KIFC3: variants seen among roughly 807,000 people sequenced by gnomAD.
KIFC3 encodes the protein kinesin family member C3, also known as kinesin-like protein KIFC3.
In KIFC3, 60 loss-of-function variants were observed where a neutral mutation model predicts 101.8. The ratio of observed to expected loss-of-function variants is 0.59; its 90% confidence interval spans 0.48 to 0.73. KIFC3 has a LOEUF of 0.73. KIFC3 is among the 30% of genes least tolerant of loss of function. The pLI, the probability that KIFC3 is intolerant of heterozygous loss-of-function variation, is 0.00. For synonymous variants in KIFC3, 476 were observed against 482.7 expected (o/e 0.99, Z 0.18); for missense variants, 966 against 1,137.1 (o/e 0.85, Z 2.16).
chr16:57,772,185 A>G lies in KIFC3; in HGVS notation c.381+38T>C, dbSNP rs782072634. ...AGGGCCCATCTGCACAAGGCAGGCC[A>G]GGCCCTGCGCTACCCCAGGACAGCC... On this transcript the variant is annotated intron_variant, in intron 4 of 19. Transcript: ENST00000445690. 1.4e-5 allele frequency: 22 copies of G among 1,582,228 alleles called. No homozygotes were observed. In the East Asian group the frequency reaches 4.5e-4, roughly 32 times the overall value.
chr16:57,848,799 A>G (rs1258775814), intron 1 of KIFC3, among the ~76,000 whole-genome samples: 1 of 152,248 alleles, frequency 6.6e-6, no homozygotes, highest in East Asian at 1.9e-4. Context: ...TCAGGCAGCC[A>G]TAACAAAAAA....
At chr16:57,860,097 A>AAAATAAAATAAAAG (rs1264307078) in intron 1 of KIFC3, among the ~76,000 whole-genome samples, 1 of 123,518 alleles carries the variant, frequency 8.1e-6, no homozygotes, top group South Asian at 2.8e-4. Flanking sequence ...TAAAATAAAA[A>AAAATAAAATAAAAG]CAAGTGGGGC....
intron 1 of KIFC3, among the ~76,000 whole-genome samples, chr16:57,856,611 AG>A (rs2056174802): frequency 6.6e-6 from 1 of 152,144 alleles, no homozygotes; most frequent in Non-Finnish European, 1.5e-5. Context: ...TAAACCCAAA[AG>A]CTGGTTCTTT....
At chr16:57,834,803 C>A (rs1205847561) in intron 1 of KIFC3, among the ~76,000 whole-genome samples, 5 of 152,210 alleles carry the variant, frequency 3.3e-5, no homozygotes, top group Non-Finnish European at 7.3e-5. Context: ...AGGCATGAGC[C>A]ACTGTGCCCT....
intron 1 of KIFC3, among the ~76,000 whole-genome samples, chr16:57,824,038 T>C (rs2055410191): frequency 6.6e-6 from 1 of 152,226 alleles, no homozygotes; most frequent in African/African-American, 2.4e-5. Context: ...CAGAGTCCTG[T>C]CAGGGAGAGC....
chr16:57,783,717 C>T (rs1223932377), intron 3 of KIFC3, among the ~76,000 whole-genome samples: 1 of 152,166 alleles, frequency 6.6e-6, no homozygotes, highest in East Asian at 1.9e-4. Flanking sequence ...AGGCGATCCA[C>T]TCACCTCTGC....
intron 1 of KIFC3, among the ~76,000 whole-genome samples, chr16:57,843,435 C>T (rs2055851449): frequency 6.6e-6 from 1 of 152,212 alleles, no homozygotes; most frequent in African/African-American, 2.4e-5. Flanking sequence ...AACTGAGATA[C>T]AGGCTGGTCC....
chr16:57,776,974 G>A (rs2052176254), intron 3 of KIFC3: 1 of 152,096 alleles, frequency 6.6e-6, no homozygotes, highest in Non-Finnish European at 1.5e-5. Context: ...TTTAAAAGCA[G>A]GGCAATTAGA....
rs144914535 is a variant in KIFC3, at chr16:57,798,545, T to G, written c.-39-263A>C. 1.6e-3 allele frequency: 856 copies of G among 539,330 alleles called. 3 individuals carry two copies. Among genetic ancestry groups the G allele is most frequent in the African/African-American group, 0.015 (742 of 50,056 alleles). 33.4% of individuals were successfully genotyped at this position (539,330 alleles called of 1,614,324 possible). On this transcript the variant is annotated intron_variant, in intron 1 of 19. Coordinates refer to ENST00000445690, the MANE Select transcript of KIFC3 (RefSeq NM_001130100.2). ...TCAGCTGTGCCTGAGACCCCACACC[T>G]GAGCCCTTCCCAGCTGAGCCTGGAG... is the stretch of plus-strand genomic sequence containing the variant.
At chr16:57,778,678 A>G (rs2052396086) in intron 3 of KIFC3, among the ~76,000 whole-genome samples, 1 of 152,236 alleles carries the variant, frequency 6.6e-6, no homozygotes, top group African/African-American at 2.4e-5. Flanking sequence ...AAGATATTTA[A>G]TATCACTGGC....
rs73558649 is a variant in KIFC3 at position 57,816,113 on chromosome 16, T to A, written c.109-17831A>T. On this transcript the variant is annotated intron_variant, in intron 1 of 2. Transcript: ENST00000563028. ...GGATGTGGTCAAATCCTCTTACCAGTGGCTCTGAACCATTTGACCTGCTAC... is the reference window on the plus strand; with the variant it reads ...GGATGTGGTCAAATCCTCTTACCAGAGGCTCTGAACCATTTGACCTGCTAC... The A allele has an allele frequency of 2.7e-3, 2,634 of 967,588 alleles. 46 individuals are homozygous for A. The African/African-American group carries it at 0.041, about 15-fold the overall frequency. The allele number at this position is 967,588 out of a possible 1,614,324, so 59.9% of individuals were successfully genotyped here.
At chr16:57,838,274 C>T (rs1344766066) in intron 1 of KIFC3, among the ~76,000 whole-genome samples, 1 of 152,108 alleles carries the variant, frequency 6.6e-6, no homozygotes, top group Non-Finnish European at 1.5e-5. Context: ...AGCTACAAAC[C>T]GCCTCCAAGC....
chr16:57,790,667 T>C (rs1296319178), intron 3 of KIFC3, among the ~76,000 whole-genome samples: 12 of 152,200 alleles, frequency 7.9e-5, no homozygotes, highest in African/African-American at 2.4e-4. Context: ...GACCGCCTCA[T>C]TGAGCTTGTG....
At chr16:57,786,170 G>A (rs1376113813) in intron 3 of KIFC3, among the ~76,000 whole-genome samples, 4 of 152,210 alleles carry the variant, frequency 2.6e-5, no homozygotes, top group Non-Finnish European at 5.9e-5. Flanking sequence ...CCGTGTGTAT[G>A]TGCGAGGGAC....
At chr16:57,803,562 A>G (rs1300708847), upstream of KIFC3, 3 of 361,586 alleles carry the variant, frequency 8.3e-6, no homozygotes, top group African/African-American at 4.3e-5. Flanking sequence ...GGTGGGTTCT[A>G]TCTCCTGCTG....
chr16:57,849,878 G>A (rs953029565), intron 1 of KIFC3, among the ~76,000 whole-genome samples: 1 of 152,118 alleles, frequency 6.6e-6, no homozygotes, highest in Non-Finnish European at 1.5e-5. Flanking sequence ...ACTCCAGCCT[G>A]GGCAACAAGA....
intron 3 of KIFC3, among the ~76,000 whole-genome samples, chr16:57,778,009 G>T (rs1357501544): frequency 1.3e-5 from 2 of 152,002 alleles, no homozygotes; most frequent in African/African-American, 4.8e-5. Flanking sequence ...ATCAAAGAGG[G>T]CCAGGCGTGG....
intron 1 of KIFC3, among the ~76,000 whole-genome samples, chr16:57,850,943 CTCCCTCCTTCCT>C (rs1567342118): frequency 2.0e-5 from 1 of 50,020 alleles, no homozygotes; most frequent in African/African-American, 5.5e-5. Flanking sequence ...CTTTCCTTCC[CTCCCTCCTTCCT>C]TCCTTCCTTC....
intron 1 of KIFC3, chr16:57,862,683 G>C (rs1431887332): frequency 2.8e-6 from 2 of 702,916 alleles, no homozygotes; most frequent in African/African-American, 3.7e-5. Context: ...TCTCCAACAG[G>C]CCTCCTCCTC....
Sources: gnomAD v4.1 joint callset for allele counts (sites outside exome capture counted in the v4.1 genomes callset) on GRCh38, gnomAD v4.1.1 for gene constraint, MANE v1.5 for transcripts, NCBI Gene and HGNC (gene_info 2026-07-23, HGNC 2026-07-21) for gene names.